The following UGT1A5 variants were observed in gnomAD, a reference collection of about 807,000 sequenced individuals.
UGT1A5 encodes UDP glucuronosyltransferase family 1 member A5.
A neutral mutation model predicts 40.3 loss-of-function variants in UGT1A5; 29 were observed. That is an observed-to-expected ratio of 0.72 (90% confidence interval 0.54 to 0.98). The LOEUF (loss-of-function observed/expected upper bound fraction) is 0.98. UGT1A5 is among the 50% of genes least tolerant of loss of function. UGT1A5 has a pLI of 0.00. For missense variants in UGT1A5, 678 were observed against 677.9 expected (o/e 1.00, Z 0.00); for synonymous variants, 257 against 262.5 (o/e 0.98, Z 0.20).
At chr2:233,725,020 A>T (rs1183477973) in intron 1 of UGT1A5, among the ~76,000 whole-genome samples, 2 of 147,776 alleles carry the variant, frequency 1.4e-5, no homozygotes. Flanking sequence ...AAACAGCAAA[A>T]CCCGGTCTCC....
chr2:233,731,811 GGCTGTGTCAAAT>G (rs1424533817), intron 1 of UGT1A5, among the ~76,000 whole-genome samples: 1 of 152,090 alleles, frequency 6.6e-6, no homozygotes, highest in Non-Finnish European at 1.5e-5. Flanking sequence ...GTAATGGTAT[GGCTGTGTCAAAT>G]GGTATTTCTA....
In UGT1A5 at chr2:233,769,534, G is replaced by C. The variant is rs752305202; in HGVS notation, c.1307+1095G>C. ...CTCCCATGGTTACCTCCTTTAGAAA[G>C]AAGCAGCAGTCAGGAAGACAGATGT... is the stretch of plus-strand genomic sequence containing the variant. On this transcript the variant is annotated intron_variant, in intron 4 of 4. Transcript: ENST00000373414. The surrounding 1 kb of genome is among the most constrained non-coding windows in gnomAD (Gnocchi z 4.4). 6.2e-7 allele frequency: 1 copy of C among 1,612,926 alleles called. No individual in the cohort carries two copies. Among genetic ancestry groups the C allele is most frequent in the South Asian group, 1.1e-5 (1 of 91,080 alleles).
intron 4 of UGT1A5, chr2:233,771,129 T>C (rs1305021368): frequency 6.6e-6 from 1 of 152,152 alleles, no homozygotes. Context: ...TCCGACCCCA[T>C]GATCCAAACA....
At chr2:233,727,635 G>A (rs920148460) in intron 1 of UGT1A5, among the ~76,000 whole-genome samples, 17 of 152,184 alleles carry the variant, frequency 1.1e-4, no homozygotes, top group Non-Finnish European at 1.5e-4. Flanking sequence ...TGCACCCACA[G>A]CTGAGAATCC....
At chr2:233,757,062 G>T (rs1469367274) in intron 1 of UGT1A5, among the ~76,000 whole-genome samples, 1 of 151,518 alleles carries the variant, frequency 6.6e-6, no homozygotes, top group African/African-American at 2.4e-5. Flanking sequence ...GAACAGCAAG[G>T]GATCCAGAAT....
At position 233,764,985 on chromosome 2, in the gene UGT1A5, G is replaced by A. The variant is rs952012916; in HGVS notation, c.868-2049G>A. On this transcript the variant is annotated intron_variant, in intron 1 of 4. Coordinates refer to ENST00000373414, the MANE Select transcript of UGT1A5 (RefSeq NM_019078.2). ...TTGGGAGAAGGATGGTCAGTGTCTG[G>A]GGCTTTCCTGGTCATGTTCCAAATC... Among the ~76,000 whole-genome samples, 3 of 152,196 alleles carry A rather than the reference G, an allele frequency of 2.0e-5. No homozygotes were observed. In the South Asian group the frequency reaches 6.2e-4, roughly 32 times the overall value.
At chr2:233,748,206 C>A (rs553740973) in intron 1 of UGT1A5, 35 of 1,508,468 alleles carry the variant, frequency 2.3e-5, no homozygotes, top group Admixed American at 4.0e-5. Context: ...GTCGTAATAG[C>A]CTTCAGTGAG....
intron 1 of UGT1A5, among the ~76,000 whole-genome samples, chr2:233,715,986 A>G (rs966648830): frequency 1.3e-5 from 2 of 152,140 alleles, no homozygotes; most frequent in African/African-American, 2.4e-5. Context: ...GATTTAAAAC[A>G]CAACAAAACC....
Position 233,772,687 on chromosome 2 carries a change from A to G in UGT1A5, c.*128A>G. 2 of 1,493,882 alleles carry G rather than the reference A, an allele frequency of 1.3e-6. No homozygotes were observed. Among genetic ancestry groups the G allele is most frequent in the South Asian group, 2.6e-5 (2 of 76,070 alleles). The allele number at this position is 1,493,882 out of a possible 1,614,324, so 92.5% of individuals were successfully genotyped here. On this transcript the variant is annotated 3_prime_UTR_variant, in exon 5 of 5. Coordinates refer to ENST00000373414, the MANE Select transcript of UGT1A5 (RefSeq NM_019078.2). ...TACTTTGCATAAATTAATCAGCCCC[A>G]GAGTGCTTTAAAAAATTCTCTTAAA...
intron 4 of UGT1A5, among the ~76,000 whole-genome samples, chr2:233,768,962 ATAATT>A (rs753324015): frequency 2.0e-5 from 3 of 152,200 alleles, no homozygotes; most frequent in Non-Finnish European, 4.4e-5. Flanking sequence ...AATTTATCAT[ATAATT>A]TATTTAGAAT....
At chr2:233,759,139 A>C (rs1697067620) in intron 1 of UGT1A5, among the ~76,000 whole-genome samples, 1 of 152,242 alleles carries the variant, frequency 6.6e-6, no homozygotes, top group Non-Finnish European at 1.5e-5. Flanking sequence ...TACGCAATGA[A>C]GGTGAGTTCC....
intron 1 of UGT1A5, among the ~76,000 whole-genome samples, chr2:233,761,308 T>C (rs72551346): frequency 6.6e-6 from 1 of 152,246 alleles, no homozygotes; most frequent in Non-Finnish European, 1.5e-5. Context: ...GAGTCTGTCT[T>C]TGGCATCATC....
intron 1 of UGT1A5, among the ~76,000 whole-genome samples, chr2:233,757,560 A>ATATGTG (rs904896556): frequency 1.6e-5 from 2 of 123,146 alleles, no homozygotes; most frequent in African/African-American, 6.8e-5. Flanking sequence ...ATATATATAT[A>ATATGTG]TGTATATATG....
At position 233,756,997 on chromosome 2, in the gene UGT1A5, A is replaced by G. The variant is rs1051475353; in HGVS notation, c.868-10037A>G. Among the ~76,000 whole-genome samples the G allele has an allele frequency of 5.9e-5, 9 of 151,946 alleles. No homozygotes were observed. The highest frequency in any genetic ancestry group is 1.9e-4 in the African/African-American group (8 of 41,328). On this transcript the variant is annotated intron_variant, in intron 1 of 4. Coordinates refer to ENST00000373414, the MANE Select transcript of UGT1A5 (RefSeq NM_019078.2). ...AATGAACAGTCATAGTAAGCTGGCC[A>G]AGGGTAGAGTTCAGTTTGAACAAAG...
chr2:233,733,145 T>C (rs2078361109), intron 1 of UGT1A5, among the ~76,000 whole-genome samples: 1 of 152,246 alleles, frequency 6.6e-6, no homozygotes, highest in Non-Finnish European at 1.5e-5. Flanking sequence ...TTGTGATTTT[T>C]GCACATTGAT....
At chr2:233,734,338 G>T (rs2078513080) in intron 1 of UGT1A5, among the ~76,000 whole-genome samples, 1 of 152,096 alleles carries the variant, frequency 6.6e-6, no homozygotes, top group Non-Finnish European at 1.5e-5. Context: ...TTCTCTGATG[G>T]TAGTTTGTAT....
chr2:233,716,165 T>C (rs990083164), intron 1 of UGT1A5, among the ~76,000 whole-genome samples: 2 of 152,214 alleles, frequency 1.3e-5, no homozygotes, highest in Non-Finnish European at 2.9e-5. Flanking sequence ...GGAGATGCAG[T>C]GCAGCATCTT....
chr2:233,724,348 C>G, intron 1 of UGT1A5, among the ~76,000 whole-genome samples: 1 of 144,652 alleles, frequency 6.9e-6, no homozygotes, highest in East Asian at 2.1e-4. Context: ...TGACCCCCCC[C>G]ACCTCCCTCC....
chr2:233,743,649 C>T (rs754713764), intron 1 of UGT1A5: 21 of 1,367,286 alleles, frequency 1.5e-5, no homozygotes, highest in Non-Finnish European at 1.9e-5. Context: ...AAGCTGAAGA[C>T]GTACTCGAAG....
Sources: allele counts gnomAD v4.1 joint callset (sites outside exome capture counted in the v4.1 genomes callset), GRCh38; gene constraint gnomAD v4.1.1; non-coding constraint Gnocchi (gnomAD v3.1); transcripts MANE v1.5; gene names NCBI Gene and HGNC (gene_info 2026-07-23, HGNC 2026-07-21).